The following PDE3B variants were observed in gnomAD, a reference collection of about 807,000 sequenced individuals.
PDE3B encodes phosphodiesterase 3B, also known as cGMP-inhibited 3',5'-cyclic phosphodiesterase 3B.
Under a neutral mutation model 116.8 loss-of-function variants are expected in PDE3B, and 66 were observed. The ratio of observed to expected loss-of-function variants is 0.56; its 90% CI spans 0.46 to 0.69. The LOEUF is 0.69. Ranked by LOEUF, PDE3B falls within the 30% of genes least tolerant of loss-of-function variation. The probability of loss-of-function intolerance (pLI) is 0.00; values close to 1 mark genes in which losing one functional copy is unlikely to be tolerated. For missense variants in PDE3B, 1,384 were observed against 1,368.1 expected, an observed-to-expected ratio of 1.01 and a Z score of -0.18; for synonymous variants, 595 against 533.6, an observed-to-expected ratio of 1.12 and a Z score of -1.59.
chr11:14,804,736 A>T (rs945428970), intron 5 of PDE3B, among the ~76,000 whole-genome samples: 3 of 152,140 alleles, frequency 2.0e-5, no homozygotes, highest in Admixed American at 6.5e-5. Flanking sequence ...TTGATGCTGT[A>T]TTTTACAATC....
intron 6 of PDE3B, 88 bp from the exon 7 acceptor site, chr11:14,819,048 T>A (rs1206146969): frequency 1.3e-6 from 1 of 789,328 alleles, no homozygotes; most frequent in African/African-American, 1.7e-5. Context: ...GGGATCTTGG[T>A]TAAAAATTAA....
At chr11:14,667,889 C>T (rs1295966883) in intron 1 of PDE3B, among the ~76,000 whole-genome samples, 1 of 151,632 alleles carries the variant, frequency 6.6e-6, no homozygotes, top group Non-Finnish European at 1.5e-5. Context: ...TTGTTCACTG[C>T]CATGTCCAAA....
chr11:14,715,123 T>A (rs1040854583), intron 1 of PDE3B, among the ~76,000 whole-genome samples: 1 of 152,078 alleles, frequency 6.6e-6, no homozygotes, highest in Non-Finnish European at 1.5e-5. Flanking sequence ...AAAATAATGA[T>A]AAAAGAAAAA....
intron 2 of PDE3B, among the ~76,000 whole-genome samples, chr11:14,785,033 GT>G (rs898422786): frequency 1.1e-4 from 17 of 152,008 alleles, no homozygotes; most frequent in East Asian, 1.9e-4. Flanking sequence ...GCAATTAGAG[GT>G]TTTTTTGCCT....
chr11:14,644,682 T>C lies in PDE3B; in HGVS notation c.607T>C (p.Cys203Arg). ...GGGCAGGTTGCTGCTGGTGCTGAGC[T>C]GCGTAGGGCTGCTGCTGACGCTCGC... ...AAGRLLLVLS[C>R]VGLLLTLAHP... Residue 203 changes from cysteine to arginine, a missense_variant, in exon 1 of 16, where the codon TGC (cysteine) becomes CGC (arginine). By Grantham distance (180) the Cys-to-Arg change is radical (BLOSUM62 -3). Transcript: ENST00000282096. The C allele has an allele frequency of 6.7e-7, 1 of 1,502,736 alleles. No individual in the cohort carries two copies. The highest frequency in any genetic ancestry group is 8.9e-7 in the Non-Finnish European group (1 of 1,128,966). 93.1% of individuals were successfully genotyped at this position (1,502,736 alleles called of 1,614,324 possible).
At chr11:14,888,862 A>G in the PDE3B span, among the ~76,000 whole-genome samples, 1 of 152,222 alleles carries the variant, frequency 6.6e-6, no homozygotes, top group Non-Finnish European at 1.5e-5. Flanking sequence ...CCTGAAGTCC[A>G]TTACCTGAAA....
chr11:14,895,408 G>T, the PDE3B span, among the ~76,000 whole-genome samples: 1 of 152,190 alleles, frequency 6.6e-6, no homozygotes, highest in African/African-American at 2.4e-5. Context: ...CCTCAATTTT[G>T]ATTTTAAACT....
chr11:14,742,237 A>C (rs1370508436), intron 1 of PDE3B, among the ~76,000 whole-genome samples: 3 of 152,248 alleles, frequency 2.0e-5, no homozygotes, highest in Non-Finnish European at 4.4e-5. Flanking sequence ...AATCAAACGC[A>C]ATTTGGTCTT....
rs782427783 is a variant in PDE3B, at chr11:14,869,624, G to A, written c.3303G>A (p.Glu1101=). The A allele has an allele frequency of 3.7e-6, 6 of 1,613,904 alleles. No homozygotes were observed. The highest frequency in any genetic ancestry group is 5.1e-6 in the Non-Finnish European group (6 of 1,179,940). The change falls in exon 16 of 16, where the codon GAG becomes GAA. Residue 1101 remains glutamate (E), a synonymous_variant. Coordinates refer to ENST00000282096, the MANE Select transcript of PDE3B (RefSeq NM_000922.4). ...VENSSLPQAD[E]IQVIEEADEE... ...ATTCCTCCTTACCTCAAGCAGATGA[G>A]ATTCAGGTAATTGAAGAGGCAGATG...
At chr11:14,698,715 A>C (rs906171957) in intron 1 of PDE3B, 1 of 151,988 alleles carries the variant, frequency 6.6e-6, no homozygotes, top group Non-Finnish European at 1.5e-5. Context: ...TTTAATCTGT[A>C]TGATAATCTC....
At chr11:14,675,604 A>C (rs539828920) in intron 1 of PDE3B, among the ~76,000 whole-genome samples, 1 of 152,230 alleles carries the variant, frequency 6.6e-6, no homozygotes, top group African/African-American at 2.4e-5. Flanking sequence ...TCTTTAAATA[A>C]AATTATACAG....
chr11:14,699,834 G>T (rs1362538764), intron 1 of PDE3B, among the ~76,000 whole-genome samples: 2 of 151,734 alleles, frequency 1.3e-5, no homozygotes, highest in African/African-American at 2.4e-5. Context: ...AGAGAAAATT[G>T]TACTTTTTAG....
intron 7 of PDE3B, among the ~76,000 whole-genome samples, chr11:14,822,328 G>C (rs1859544855): frequency 6.6e-6 from 1 of 152,204 alleles, no homozygotes; most frequent in African/African-American, 2.4e-5. Context: ...CCAACTAGAA[G>C]CAGCTAATGT....
chr11:14,867,573 CA>C lies in PDE3B; in HGVS notation c.2958del (p.Lys986AsnfsTer10). On this transcript the variant is annotated frameshift_variant, in exon 15 of 16. Transcript: ENST00000282096. LOFTEE classifies it high-confidence loss of function. ...PFMDRSSPQL[A>X]KLQESFITHI... is the part of the protein sequence containing the mutation. ...ATGGATCGTTCTTCTCCTCAACTAG[CA>C]AAACTCCAAGAATCTTTTATCACCC... The C allele has an allele frequency of 6.2e-7, 1 of 1,613,910 alleles. No homozygotes were observed. Among genetic ancestry groups the C allele is most frequent in the Non-Finnish European group, 8.5e-7 (1 of 1,179,854 alleles).
chr11:14,793,005 G>A (rs763466621), intron 4 of PDE3B, among the ~76,000 whole-genome samples: 3 of 152,090 alleles, frequency 2.0e-5, no homozygotes, highest in Non-Finnish European at 4.4e-5. Context: ...TAAAGAGTTC[G>A]AGATTGCATT....
chr11:14,898,674 G>T, the PDE3B span, among the ~76,000 whole-genome samples: 6 of 152,128 alleles, frequency 3.9e-5, no homozygotes, highest in Admixed American at 2.0e-4. Flanking sequence ...AAACAGCACA[G>T]TGTACTGACT....
chr11:14,892,192 C>G, the PDE3B span: 33 of 1,610,180 alleles, frequency 2.0e-5, no homozygotes, highest in Non-Finnish European at 2.7e-5. Context: ...TTCAGCTCTC[C>G]AAAGCTTCCA....
At chr11:14,873,428 T>G (rs1848163204), downstream of PDE3B, among the ~76,000 whole-genome samples, 1 of 152,190 alleles carries the variant, frequency 6.6e-6, no homozygotes, top group Non-Finnish European at 1.5e-5. Context: ...GAATAGATTG[T>G]GGACCACAGG....
intron 1 of PDE3B, among the ~76,000 whole-genome samples, chr11:14,715,512 C>G (rs1191285584): frequency 1.3e-5 from 2 of 152,084 alleles, no homozygotes; most frequent in Non-Finnish European, 2.9e-5. Context: ...ATTTTATTGT[C>G]TTTGAAGCAA....
Sources: allele counts gnomAD v4.1 joint callset (sites outside exome capture counted in the v4.1 genomes callset), GRCh38; gene constraint gnomAD v4.1.1; transcripts MANE v1.5; gene names NCBI Gene and HGNC (gene_info 2026-07-23, HGNC 2026-07-21).